The following PTPRT variants were observed in gnomAD, a reference collection of about 807,000 sequenced individuals.
The protein encoded by PTPRT is protein tyrosine phosphatase receptor type T, also known as receptor-type tyrosine-protein phosphatase T.
PTPRT carries 56 observed loss-of-function variants against 176.8 expected under a neutral mutation model. The observed-to-expected ratio is 0.32, with a 90% confidence interval of 0.26 to 0.40. PTPRT has a LOEUF of 0.40. PTPRT is among the 10% of genes least tolerant of loss of function. The pLI, the probability that PTPRT is intolerant of heterozygous loss-of-function variation, is 1.00. For missense variants in PTPRT, 1,540 were observed against 1,908.2 expected (o/e 0.81, Z 3.60); for synonymous variants, 783 against 739.0 (o/e 1.06, Z -0.96).
intron 1 of PTPRT, among the ~76,000 whole-genome samples, chr20:43,130,827 A>G (rs1484854200): frequency 6.6e-6 from 1 of 152,102 alleles, no homozygotes; most frequent in Non-Finnish European, 1.5e-5. Context: ...AAAAAAAAAA[A>G]AAGGAAAAAG....
At chr20:42,233,732 C>T (rs866228219) in intron 15 of PTPRT, among the ~76,000 whole-genome samples, 2 of 152,178 alleles carry the variant, frequency 1.3e-5, no homozygotes, top group Middle Eastern at 3.4e-3. Flanking sequence ...AATATATGAC[C>T]GTCATGGGGG....
chr20:42,314,294 T>C (rs1371414835), intron 12 of PTPRT, among the ~76,000 whole-genome samples: 1 of 151,820 alleles, frequency 6.6e-6, no homozygotes. Context: ...TTTGGGAGGC[T>C]GAGGTGGGCA....
At chr20:42,471,290 G>A (rs990103358) in intron 8 of PTPRT, among the ~76,000 whole-genome samples, 3 of 152,154 alleles carry the variant, frequency 2.0e-5, no homozygotes, top group African/African-American at 7.2e-5. Context: ...GGTTGATATA[G>A]TTTGGGTATT....
chr20:42,316,112 AC>A, intron 11 of PTPRT, 116 bp from the exon 12 acceptor site: 4 of 1,160,872 alleles, frequency 3.4e-6, no homozygotes, highest in Non-Finnish European at 3.7e-6. Flanking sequence ...TCGGTCTACA[AC>A]AAAACTCCAG....
chr20:43,161,437 T>C (rs7270191), intron 1 of PTPRT, among the ~76,000 whole-genome samples: 2,378 of 152,254 alleles, frequency 0.016, 60 homozygotes, highest in African/African-American at 0.054. Flanking sequence ...AATGAGAATG[T>C]AAATAAGGAA....
At chr20:43,129,329 C>T (rs1572925) in intron 1 of PTPRT, among the ~76,000 whole-genome samples, 1 of 152,038 alleles carries the variant, frequency 6.6e-6, no homozygotes, top group Non-Finnish European at 1.5e-5. Flanking sequence ...CACCAAGCCA[C>T]GAGGACAAGA....
chr20:42,705,207 A>AAAT (rs533156646), intron 6 of PTPRT, among the ~76,000 whole-genome samples: 9 of 152,070 alleles, frequency 5.9e-5, no homozygotes, highest in East Asian at 1.9e-4. Flanking sequence ...TTGTATCTCG[A>AAAT]AATAATAATA....
chr20:42,313,333 A>C (rs2057665136), intron 12 of PTPRT, among the ~76,000 whole-genome samples: 1 of 152,056 alleles, frequency 6.6e-6, no homozygotes, highest in South Asian at 2.1e-4. Flanking sequence ...TACCTTCTTA[A>C]TAAACTTGCT....
chr20:42,116,288 C>T (rs760360082), intron 21 of PTPRT, among the ~76,000 whole-genome samples: 3 of 152,116 alleles, frequency 2.0e-5, no homozygotes, highest in South Asian at 4.1e-4. Context: ...GCACAGAGGA[C>T]GCAGCATTTC....
chr20:42,177,210 A>G (rs1990331060), intron 16 of PTPRT, among the ~76,000 whole-genome samples: 2 of 152,202 alleles, frequency 1.3e-5, no homozygotes, highest in South Asian at 2.1e-4. Flanking sequence ...TGCATTTGTA[A>G]CAAGCTCTCA....
intron 1 of PTPRT, among the ~76,000 whole-genome samples, chr20:43,086,984 T>C (rs1479330245): frequency 6.6e-6 from 1 of 152,240 alleles, no homozygotes; most frequent in African/African-American, 2.4e-5. Context: ...ACATATACAA[T>C]TGTGTGGGCA....
intron 19 of PTPRT, among the ~76,000 whole-genome samples, chr20:42,120,701 T>C (rs551373365): frequency 6.6e-6 from 1 of 152,326 alleles, no homozygotes; most frequent in Admixed American, 6.5e-5. Flanking sequence ...ACCCCTCTTT[T>C]GCCTGGACAT....
At chr20:42,614,085 G>A (rs762610299) in intron 7 of PTPRT, among the ~76,000 whole-genome samples, 2 of 152,076 alleles carry the variant, frequency 1.3e-5, no homozygotes, top group African/African-American at 2.4e-5. Context: ...TTCCTTTGAA[G>A]GGCTGTGAAA....
intron 1 of PTPRT, among the ~76,000 whole-genome samples, chr20:43,087,785 G>A (rs2011658429): frequency 6.6e-6 from 1 of 152,108 alleles, no homozygotes. Context: ...TCTAACCTAT[G>A]AGCTTTTACT....
chr20:42,314,778 C>A (rs998450503), intron 12 of PTPRT, among the ~76,000 whole-genome samples: 2 of 152,002 alleles, frequency 1.3e-5, no homozygotes, highest in Non-Finnish European at 1.5e-5. Flanking sequence ...GAATCAAGAA[C>A]AATGGATAGA....
At chr20:42,162,838 T>C (rs1376639235) in intron 16 of PTPRT, among the ~76,000 whole-genome samples, 1 of 152,230 alleles carries the variant, frequency 6.6e-6, no homozygotes, top group South Asian at 2.1e-4. Context: ...CCATCAGACA[T>C]GGATCCTGTG....
At chr20:42,134,227 C>T (rs995557460) in intron 18 of PTPRT, among the ~76,000 whole-genome samples, 2 of 152,082 alleles carry the variant, frequency 1.3e-5, no homozygotes, top group South Asian at 2.1e-4. Flanking sequence ...GGGCGGCAGG[C>T]GATGTGAAGG....
At chr20:42,345,029 G>T (rs1600863720) in intron 11 of PTPRT, among the ~76,000 whole-genome samples, 2 of 152,004 alleles carry the variant, frequency 1.3e-5, no homozygotes, top group African/African-American at 4.8e-5. Context: ...TCTACCAAGG[G>T]CTGCCTCTCT....
chr20:42,583,244 T>C lies in PTPRT; in HGVS notation c.1153+94622A>G, dbSNP rs899014646. Among the ~76,000 whole-genome samples, 102 of 152,312 alleles carry C rather than the reference T, an allele frequency of 6.7e-4. 2 individuals carry two copies. The highest frequency in any genetic ancestry group is 5.4e-3 in the Admixed American group (82 of 15,300). On this transcript the variant is annotated intron_variant, in intron 7 of 30. Transcript: ENST00000373187. ...TCCTAAATAGAACTTTGGGGAATCC[T>C]TTTAAAAATCAAACGCATACTTGGT...
Sources: allele counts gnomAD v4.1 joint callset (sites outside exome capture counted in the v4.1 genomes callset), GRCh38; gene constraint gnomAD v4.1.1; transcripts MANE v1.5; gene names NCBI Gene and HGNC (gene_info 2026-07-23, HGNC 2026-07-21).